ATP2C2: variants seen among roughly 807,000 people sequenced by gnomAD.
ATP2C2 encodes calcium-transporting ATPase type 2C member 2.
A neutral mutation model predicts 110.8 loss-of-function variants in ATP2C2; 171 were observed. That is an observed-to-expected ratio of 1.54 (90% CI 1.36 to 1.75). ATP2C2 has a LOEUF of 1.75. Among genes scored for constraint, ATP2C2 ranks in the 40% most tolerant of loss-of-function variants. The pLI is 0.00. For missense variants in ATP2C2, 1,963 were observed against 1,235.0 expected (o/e 1.59, Z -8.84); for synonymous variants, 804 against 508.4 (o/e 1.58, Z -7.82).
rs768800000 is a variant in ATP2C2, at chr16:84,453,346, C to T, written c.1955C>T (p.Pro652Leu). 6.2e-7 allele frequency: 1 copy of T among 1,614,130 alleles called. No homozygotes were observed. Among genetic ancestry groups the T allele is most frequent in the Non-Finnish European group, 8.5e-7 (1 of 1,180,028 alleles). ...GTGTCCGTGTTCTTCAGGACCAGCCCAAAGCACAAGCTCAAAATCATCAAG... is the reference window on the plus strand; with the variant it reads ...GTGTCCGTGTTCTTCAGGACCAGCCTAAAGCACAAGCTCAAAATCATCAAG... Reference protein sequence around the residue: ...GKVSVFFRTSPKHKLKIIKAL... With the variant: ...GKVSVFFRTSLKHKLKIIKAL... The change falls in exon 20 of 27, where the codon CCA becomes CTA. Residue 652 changes from proline (P) to leucine (L), a missense_variant. Pro to Leu is a moderately conservative substitution (Grantham distance 98). Transcript: ENST00000262429.
At chr16:84,433,412 ACC>A (rs1491499369) in intron 11 of ATP2C2, among the ~76,000 whole-genome samples, 1 of 151,230 alleles carries the variant, frequency 6.6e-6, no homozygotes, top group Non-Finnish European at 1.5e-5. Flanking sequence ...AAACCAAAAA[ACC>A]AAAAAAATCT....
At chr16:84,404,679 G>T (rs1905591964) in intron 2 of ATP2C2, 1 of 330,944 alleles carries the variant, frequency 3.0e-6, no homozygotes, top group East Asian at 7.9e-5. Flanking sequence ...ATCTCTTGGA[G>T]CCCCACTAGC....
At chr16:84,387,557 T>G (rs946623151) in intron 1 of ATP2C2, among the ~76,000 whole-genome samples, 1 of 152,150 alleles carries the variant, frequency 6.6e-6, no homozygotes, top group African/African-American at 2.4e-5. Flanking sequence ...GCCAGCCATG[T>G]GCACGTACTT....
intron 21 of ATP2C2, among the ~76,000 whole-genome samples, chr16:84,458,591 C>T (rs117460269): frequency 0.043 from 6,615 of 152,212 alleles, 168 homozygotes; most frequent in Middle Eastern, 0.092. Context: ...GGGGCACCCA[C>T]GGTGCGTAAT....
Position 84,446,421 on chromosome 16 carries a change from G to C in ATP2C2, c.1494G>C (p.Leu498=). Residue 498 remains leucine, a synonymous_variant, in exon 16 of 27, where the codon CTG becomes CTC. Coordinates refer to ENST00000262429, the MANE Select transcript of ATP2C2 (RefSeq NM_014861.4). ...AGTGGATGGCGGTGAAATGCAGTCT[G>C]AAGACTGAGGTGAGACCTTTCAATC... ...EQKWMAVKCS[L]KTEDQEDIYF... The C allele has an allele frequency of 1.9e-6, 3 of 1,599,128 alleles. No individual in the cohort carries two copies. Among genetic ancestry groups the C allele is most frequent in the Non-Finnish European group, 2.6e-6 (3 of 1,173,516 alleles).
At chr16:84,440,811 T>C in intron 13 of ATP2C2, 46 bp from the exon 14 acceptor site, 1 of 1,478,280 alleles carries the variant, frequency 6.8e-7, no homozygotes, top group Non-Finnish European at 9.4e-7. Context: ...TGGGGGAGCA[T>C]GTTTTTGACT....
chr16:84,409,100 G>A (rs1432313992), intron 4 of ATP2C2, among the ~76,000 whole-genome samples: 1 of 152,108 alleles, frequency 6.6e-6, no homozygotes, highest in African/African-American at 2.4e-5. Flanking sequence ...GACCTATTCT[G>A]GATATGTCAC....
chr16:84,451,085 A>G (rs1207308327), intron 17 of ATP2C2, among the ~76,000 whole-genome samples: 1 of 152,182 alleles, frequency 6.6e-6, no homozygotes, highest in Non-Finnish European at 1.5e-5. Context: ...AAGAGGTTGA[A>G]TGGACTCAGT....
chr16:84,408,070 T>G (rs1403031155), intron 3 of ATP2C2, among the ~76,000 whole-genome samples: 1 of 152,212 alleles, frequency 6.6e-6, no homozygotes, highest in Non-Finnish European at 1.5e-5. Context: ...AGAGGATCCT[T>G]GGCCGTCCTG....
rs371614449 is a variant in ATP2C2 at position 84,424,576 on chromosome 16, C to CTTTTTTTTTTT, written c.920-1146_920-1136dup. ...TACAGGCATGAGCCACCGCACTGGG[C>CTTTTTTTTTTT]TTTTTTTTTTTTTTTTTTTTTTTAA... On this transcript the variant is annotated intron_variant, in intron 10 of 26. Transcript: ENST00000262429. 5.2e-4 allele frequency among the ~76,000 whole-genome samples: 60 copies of CTTTTTTTTTTT among 114,854 alleles called. 3 individuals are homozygous for CTTTTTTTTTTT. The highest frequency in any genetic ancestry group is 2.3e-3 in the African/African-American group (57 of 24,868). 75.3% of individuals were successfully genotyped at this position (114,854 alleles called of 152,430 possible). A position where few individuals can be genotyped will look rare whatever the true frequency, so the allele number is the denominator to read the frequency against.
chr16:84,416,530 C>T (rs553852646), intron 7 of ATP2C2, among the ~76,000 whole-genome samples: 11 of 152,136 alleles, frequency 7.2e-5, no homozygotes, highest in African/African-American at 2.7e-4. Flanking sequence ...GGAAGCTACC[C>T]CCTGGGACCT....
intron 1 of ATP2C2, among the ~76,000 whole-genome samples, chr16:84,390,072 C>G (rs1387778603): frequency 6.6e-6 from 1 of 152,234 alleles, no homozygotes; most frequent in African/African-American, 2.4e-5. Flanking sequence ...CTGTTATACC[C>G]TTAGCCCCCC....
At chr16:84,447,624 C>G (rs1005458095) in intron 16 of ATP2C2, among the ~76,000 whole-genome samples, 46 of 140,390 alleles carry the variant, frequency 3.3e-4, no homozygotes, top group Admixed American at 7.0e-4. Context: ...TTAATATAAG[C>G]TTGTTATATT....
intron 11 of ATP2C2, among the ~76,000 whole-genome samples, chr16:84,434,191 G>C (rs969945470): frequency 6.6e-6 from 1 of 152,070 alleles, no homozygotes; most frequent in African/African-American, 2.4e-5. Context: ...GCCGAGGCGC[G>C]TGGATCATGA....
chr16:84,375,959 G>T (rs1110561), intron 1 of ATP2C2, among the ~76,000 whole-genome samples: 66 of 152,034 alleles, frequency 4.3e-4, no homozygotes, highest in South Asian at 2.5e-3. Context: ...GCTCGGTGGG[G>T]GTAGCTGGGT....
chr16:84,462,656 A>T (rs1911498902), intron 26 of ATP2C2: 1 of 153,226 alleles, frequency 6.5e-6, no homozygotes, highest in Admixed American at 6.5e-5. Context: ...CAGCCAAGCG[A>T]GTGTGGCACC....
At chr16:84,413,125 G>T (rs894241014) in intron 6 of ATP2C2, among the ~76,000 whole-genome samples, 4 of 151,400 alleles carry the variant, frequency 2.6e-5, no homozygotes. Context: ...AGTATCTCAT[G>T]GTCTGGGGTG....
rs200739405 is a variant in ATP2C2 at position 84,422,537 on chromosome 16, C to G, written c.772C>G (p.Gln258Glu). ...GACCCTGGTGCAGTATGGGAGGGGCCAGGTAAGCCCTGGGACACCGAGGCC... is the reference window on the plus strand; with the variant it reads ...GACCCTGGTGCAGTATGGGAGGGGCGAGGTAAGCCCTGGGACACCGAGGCC... ...MGTLVQYGRG[Q>E]GVVIGTGESS... The change falls in exon 8 of 27, where the codon CAG becomes GAG. Residue 258 changes from glutamine (Q) to glutamate (E), a missense_variant and splice_region_variant. Transcript: ENST00000262429. 2.3e-5 allele frequency: 37 copies of G among 1,613,674 alleles called. No individual in the cohort carries two copies. Among genetic ancestry groups the G allele is most frequent in the Admixed American group, 5.0e-5 (3 of 59,932 alleles).
Position 84,460,636 on chromosome 16 carries a change from G to A in ATP2C2, c.2334-18G>A, listed in dbSNP as rs1430592410. 5.0e-6 allele frequency: 8 copies of A among 1,614,040 alleles called. No individual in the cohort carries two copies. The highest frequency in any genetic ancestry group is 1.3e-5 in the African/African-American group (1 of 74,928). On this transcript the variant is annotated intron_variant, in intron 23 of 26. Transcript: ENST00000262429. ...ATTCCTGGTTCATTTCAAAGTGTCTGTGTCTTGTTCGGAGCAGCTTGGGGG... is the reference window on the plus strand; with the variant it reads ...ATTCCTGGTTCATTTCAAAGTGTCTATGTCTTGTTCGGAGCAGCTTGGGGG...
Sources: gnomAD v4.1 joint callset for allele counts (sites outside exome capture counted in the v4.1 genomes callset) on GRCh38, gnomAD v4.1.1 for gene constraint, MANE v1.5 for transcripts, NCBI Gene and HGNC (gene_info 2026-07-23, HGNC 2026-07-21) for gene names.